UHRF2: variants seen among roughly 807,000 people sequenced by gnomAD.
The protein encoded by UHRF2 is E3 ubiquitin-protein ligase UHRF2.
UHRF2 carries 23 observed loss-of-function variants against 96.8 expected under a neutral mutation model. The ratio of observed to expected loss-of-function variants is 0.24; its 90% confidence interval spans 0.17 to 0.34. The LOEUF is 0.34. Ranked by LOEUF, UHRF2 falls within the 10% of genes least tolerant of loss-of-function variation. The pLI is 1.00. For synonymous variants in UHRF2, 385 were observed against 332.6 expected (o/e 1.16, Z -1.72); for missense variants, 685 against 981.5 (o/e 0.70, Z 4.04).
intron 10 of UHRF2, 48 bp from the exon 11 acceptor site, chr9:6,497,150 A>G: frequency 6.4e-7 from 1 of 1,570,030 alleles, no homozygotes; most frequent in Non-Finnish European, 8.7e-7. Flanking sequence ...TCGATTGTGT[A>G]CTTGAAGAAA....
At position 6,431,067 on chromosome 9, in the gene UHRF2, A is replaced by G. The variant is rs139374616; in HGVS notation, c.385-2847A>G. ...TACCATGGCAGGATCTTCTGTGTTC[A>G]TATTAATCATACAGGCCTAAGTATT... On this transcript the variant is annotated intron_variant, in intron 2 of 15. Coordinates refer to ENST00000276893, the MANE Select transcript of UHRF2 (RefSeq NM_152896.3). 5.5e-4 allele frequency among the ~76,000 whole-genome samples: 84 copies of G among 152,284 alleles called. No individual in the cohort carries two copies. The East Asian group carries it at 0.015, about 28-fold the overall frequency.
At chr9:6,472,222 T>G (rs1587843502) in intron 4 of UHRF2, among the ~76,000 whole-genome samples, 1 of 152,188 alleles carries the variant, frequency 6.6e-6, no homozygotes, top group Non-Finnish European at 1.5e-5. Context: ...TTTGACTCTT[T>G]CTCCAAGAAA....
intron 4 of UHRF2, among the ~76,000 whole-genome samples, chr9:6,471,617 T>G (rs1328088032): frequency 1.3e-5 from 2 of 152,176 alleles, no homozygotes; most frequent in Non-Finnish European, 2.9e-5. Context: ...GAGTAGAGCC[T>G]TTAAATGAGA....
At chr9:6,422,247 A>G (rs1819970703) in intron 2 of UHRF2, among the ~76,000 whole-genome samples, 1 of 152,066 alleles carries the variant, frequency 6.6e-6, no homozygotes, top group African/African-American at 2.4e-5. Context: ...ATGCCTGGCT[A>G]ATTTTTATAT....
chr9:6,462,767 A>G (rs773793325), intron 4 of UHRF2, among the ~76,000 whole-genome samples: 10 of 151,940 alleles, frequency 6.6e-5, no homozygotes, highest in Non-Finnish European at 7.4e-5. Flanking sequence ...AAATACAAAA[A>G]TTAGCTGGGT....
At chr9:6,481,883 G>T (rs1363703760) in intron 7 of UHRF2, 109 bp from the exon 8 acceptor site, 1 of 1,533,036 alleles carries the variant, frequency 6.5e-7, no homozygotes, top group African/African-American at 1.4e-5. Flanking sequence ...TAATATCAAT[G>T]GTACTTAAAT....
intron 2 of UHRF2, among the ~76,000 whole-genome samples, chr9:6,426,152 C>A (rs201647183): frequency 3.3e-5 from 5 of 152,222 alleles, no homozygotes; most frequent in Admixed American, 6.5e-5. Flanking sequence ...CCTCCCCAAT[C>A]GAATTCGGAA....
At chr9:6,484,190 T>A (rs1824105441) in intron 8 of UHRF2, among the ~76,000 whole-genome samples, 1 of 151,782 alleles carries the variant, frequency 6.6e-6, no homozygotes, top group Non-Finnish European at 1.5e-5. Flanking sequence ...TCCACCTAGC[T>A]AGGACTAAAG....
chr9:6,477,625 G>T lies in UHRF2; in HGVS notation c.977G>T (p.Arg326Leu). 1 of 1,603,286 alleles carries T rather than the reference G, an allele frequency of 6.2e-7. No homozygotes were observed. The highest frequency in any genetic ancestry group is 8.5e-7 in the Non-Finnish European group (1 of 1,174,528). ...LSFADGKFLR[R>L]NDPECDLCGG... ...GCTATAATTTTGTTCTTAATAGGGC[G>T]AAATGACCCTGAATGTGACCTGTGT... The change falls in exon 6 of 16, where the codon CGA becomes CTA. Residue 326 changes from arginine (R) to leucine (L), a missense_variant. Around this residue, in one of 6 missense-constraint regions of UHRF2, gnomAD observed 391 missense variants for 437.0 expected, o/e 0.89. Coordinates refer to ENST00000276893, the MANE Select transcript of UHRF2 (RefSeq NM_152896.3).
At chr9:6,504,014 A>ATTTT (rs1816444749) in intron 14 of UHRF2, among the ~76,000 whole-genome samples, 4 of 113,856 alleles carry the variant, frequency 3.5e-5, no homozygotes, top group African/African-American at 1.7e-4. Flanking sequence ...TAAATAGAAG[A>ATTTT]CTTTTTTTTT....
intron 1 of UHRF2, among the ~76,000 whole-genome samples, chr9:6,420,600 G>C (rs1819873363): frequency 6.6e-6 from 1 of 151,616 alleles, no homozygotes; most frequent in Non-Finnish European, 1.5e-5. Context: ...AGCTACTTCA[G>C]GGAGGCTGAG....
chr9:6,492,775 G>C (rs907224943), intron 9 of UHRF2: 1 of 146,626 alleles, frequency 6.8e-6, no homozygotes, highest in African/African-American at 2.5e-5. Flanking sequence ...ATCAGATAGA[G>C]ACAATAATAT....
At chr9:6,463,778 A>AT (rs34102086) in intron 4 of UHRF2, among the ~76,000 whole-genome samples, 27 of 148,834 alleles carry the variant, frequency 1.8e-4, no homozygotes, top group East Asian at 2.0e-4. Context: ...GAGAAAAAAA[A>AT]TTTTTTTTTT....
In UHRF2 at chr9:6,434,068, A is replaced by T. The variant is rs374844283; in HGVS notation, c.539A>T (p.His180Leu). Residue 180 changes from histidine (H) to leucine (L), a missense_variant, in exon 3 of 16, where the codon CAT becomes CTT. His to Leu is a moderately conservative substitution (Grantham distance 99). Transcript: ENST00000276893. The stretch of plus-strand genomic sequence containing the variant: ...AAAAGGACTAATGGAAATATAAAGC[A>T]TAAATCCAAAGAGAACACAAATAAA... ...SCKRTNGNIK[H>L]KSKENTNKLD... is the part of the protein sequence containing the mutation. 1 of 1,614,186 alleles carries T rather than the reference A, an allele frequency of 6.2e-7. No homozygotes were observed.
intron 4 of UHRF2, among the ~76,000 whole-genome samples, chr9:6,473,271 C>A (rs1158018604): frequency 6.6e-6 from 1 of 152,080 alleles, no homozygotes; most frequent in Non-Finnish European, 1.5e-5. Flanking sequence ...TGAGACATAC[C>A]AAATATATTT....
At chr9:6,439,615 A>G (rs889471993) in intron 3 of UHRF2, among the ~76,000 whole-genome samples, 2 of 152,216 alleles carry the variant, frequency 1.3e-5, no homozygotes, top group African/African-American at 2.4e-5. Context: ...TTGCTGTTCT[A>G]TGTCACTTAT....
intron 9 of UHRF2, 39 bp from the exon 10 acceptor site, chr9:6,493,787 G>T: frequency 6.6e-7 from 1 of 1,513,484 alleles, no homozygotes; most frequent in Non-Finnish European, 9.1e-7. Context: ...AATTATACTT[G>T]GGTTTAGCTT....
At chr9:6,503,437 G>C (rs1189457789) in intron 14 of UHRF2, among the ~76,000 whole-genome samples, 2 of 151,644 alleles carry the variant, frequency 1.3e-5, no homozygotes, top group Admixed American at 1.3e-4. Context: ...AGATGAAATG[G>C]AGCCAGTAAT....
chr9:6,487,990 C>G (rs1478615768), intron 9 of UHRF2, among the ~76,000 whole-genome samples: 1 of 151,860 alleles, frequency 6.6e-6, no homozygotes, highest in African/African-American at 2.4e-5. Flanking sequence ...CCTGTAATCC[C>G]AGCACTTTGA....
Sources: allele counts gnomAD v4.1 joint callset (sites outside exome capture counted in the v4.1 genomes callset), GRCh38; gene constraint gnomAD v4.1.1; regional missense constraint gnomAD v4.1.1; transcripts MANE v1.5; gene names NCBI Gene and HGNC (gene_info 2026-07-23, HGNC 2026-07-21).